The following EFCAB14 variants were observed in gnomAD, a reference collection of about 807,000 sequenced individuals.
EFCAB14 encodes the protein EF-hand calcium-binding domain-containing protein 14.
Under a neutral mutation model 56.5 loss-of-function variants are expected in EFCAB14, and 43 were observed. That is an observed-to-expected ratio of 0.76 (90% CI 0.60 to 0.98). The LOEUF (loss-of-function observed/expected upper bound fraction) is 0.98, where lower values mean the gene tolerates loss of function less well. Ranked by LOEUF, EFCAB14 falls within the 50% of genes least tolerant of loss-of-function variation. EFCAB14 has a pLI of 0.00. For synonymous variants in EFCAB14, 235 were observed against 212.9 expected (o/e 1.10, Z -0.90); for missense variants, 538 against 580.3 (o/e 0.93, Z 0.75).
chr1:46,679,856 C>T (rs1292265116), intron 10 of EFCAB14, among the ~76,000 whole-genome samples: 1 of 151,940 alleles, frequency 6.6e-6, no homozygotes, highest in African/African-American at 2.4e-5. Context: ...ATCTGCCCAC[C>T]TCAGCCTCCC....
intron 2 of EFCAB14, among the ~76,000 whole-genome samples, chr1:46,714,266 C>G: frequency 6.6e-6 from 1 of 152,022 alleles, no homozygotes; most frequent in South Asian, 2.1e-4. Flanking sequence ...AACTTTAATT[C>G]CAGTTCTGGA....
At chr1:46,683,489 C>T (rs1676830011) in intron 9 of EFCAB14, 64 bp from the exon 10 acceptor site, 2 of 1,517,286 alleles carry the variant, frequency 1.3e-6, no homozygotes, top group Non-Finnish European at 1.8e-6. Flanking sequence ...AAACTAGTAT[C>T]GAAGGTCACC....
intron 7 of EFCAB14, among the ~76,000 whole-genome samples, chr1:46,687,329 C>T (rs12072802): frequency 6.6e-6 from 1 of 152,176 alleles, no homozygotes; most frequent in Non-Finnish European, 1.5e-5. Flanking sequence ...CTTAGCCAAC[C>T]TAGTTTAGCT....
rs1273570196 is a variant in EFCAB14, at chr1:46,718,352, G to T, written c.-265C>A. The T allele has an allele frequency of 2.5e-5, 10 of 393,204 alleles. No individual in the cohort carries two copies. The highest frequency in any genetic ancestry group is 4.2e-5 in the Non-Finnish European group (9 of 213,750). The allele number at this position is 393,204 out of a possible 1,614,324, so 24.4% of individuals were successfully genotyped here. Reference sequence around the variant, plus strand: ...GTGACCCCAAAGGATAAGGCCTTGGGTGCAGAGTGTTAGTAGAGGGTGGAG... The same window carrying T: ...GTGACCCCAAAGGATAAGGCCTTGGTTGCAGAGTGTTAGTAGAGGGTGGAG... On this transcript the variant is annotated 5_prime_UTR_variant, in exon 1 of 11. Transcript: ENST00000371933.
chr1:46,691,686 A>T, intron 5 of EFCAB14, 141 bp downstream of exon 5: 1 of 522,378 alleles, frequency 1.9e-6, no homozygotes, highest in Non-Finnish European at 3.4e-6. Context: ...AACAAATTGT[A>T]GAACAATCAA....
At chr1:46,695,776 C>A (rs1677070264) in intron 4 of EFCAB14, among the ~76,000 whole-genome samples, 2 of 152,116 alleles carry the variant, frequency 1.3e-5, no homozygotes, top group African/African-American at 4.8e-5. Flanking sequence ...ACCTCCCAGG[C>A]TCAAGTGATC....
chr1:46,688,384 A>G lies in EFCAB14; in HGVS notation c.956T>C (p.Val319Ala), dbSNP rs758235999. The stretch of plus-strand genomic sequence containing the variant: ...GAAGGACAGGTTTGCTTTCTTTTCT[A>G]CCTTGCTCATAGCAACCACATCGCT... ...IESDVVAMSK[V>A]EKKANLSFSM... The change falls in exon 7 of 11, where the codon GTA (valine) becomes GCA (alanine). Residue 319 changes from valine (V) to alanine (A), a missense_variant. Transcript: ENST00000371933. 1.1e-4 allele frequency: 175 copies of G among 1,613,840 alleles called. No individual in the cohort carries two copies. Among genetic ancestry groups the G allele is most frequent in the Non-Finnish European group, 1.4e-4 (166 of 1,179,900 alleles).
chr1:46,697,211 A>C (rs1194384060), intron 3 of EFCAB14, among the ~76,000 whole-genome samples: 1 of 152,220 alleles, frequency 6.6e-6, no homozygotes, highest in African/African-American at 2.4e-5. Context: ...TAATATTTCA[A>C]ACTCAATAGC....
chr1:46,692,817 TATCA>T (rs1340674027), intron 4 of EFCAB14, among the ~76,000 whole-genome samples: 4 of 152,294 alleles, frequency 2.6e-5, no homozygotes, highest in South Asian at 4.1e-4. Context: ...ACTCTTTCTC[TATCA>T]ATCAAACAAG....
intron 3 of EFCAB14, among the ~76,000 whole-genome samples, chr1:46,703,330 G>A (rs1405135967): frequency 1.3e-5 from 2 of 152,078 alleles, no homozygotes; most frequent in Non-Finnish European, 2.9e-5. Flanking sequence ...GGCTGGTCTC[G>A]AACTCCTGAC....
intron 3 of EFCAB14, among the ~76,000 whole-genome samples, chr1:46,700,972 A>AGT (rs1240516932): frequency 2.5e-5 from 2 of 79,032 alleles, no homozygotes; most frequent in Non-Finnish European, 5.5e-5. Flanking sequence ...AGAGAGAGAG[A>AGT]GAGAGAGTGA....
Position 46,691,825 on chromosome 1 carries a change from A to T in EFCAB14, c.690+2T>A, listed in dbSNP as rs370855593. The T allele has an allele frequency of 2.5e-6, 4 of 1,610,540 alleles. No individual in the cohort carries two copies. The highest frequency in any genetic ancestry group is 3.4e-6 in the Non-Finnish European group (4 of 1,177,956). ...GCATGCTGACTTGCTGGGTCTCCTTACCATATCACTCTGCAGTAATTCCAT... is the reference window on the plus strand; with the variant it reads ...GCATGCTGACTTGCTGGGTCTCCTTTCCATATCACTCTGCAGTAATTCCAT... On this transcript the variant is annotated splice_donor_variant, in intron 5 of 10. Transcript: ENST00000371933. LOFTEE classifies it high-confidence loss of function.
chr1:46,677,829 A>G lies in EFCAB14; in HGVS notation c.*632T>C, dbSNP rs887688980. On this transcript the variant is annotated 3_prime_UTR_variant, in exon 11 of 11. Transcript: ENST00000371933. ...TCTACTCCCTGAAATCGGTTCCTCC[A>G]GCTACCAGGACAAACCCCCTGGCAG... 2.6e-5 allele frequency: 4 copies of G among 152,552 alleles called. No homozygotes were observed. Among genetic ancestry groups the G allele is most frequent in the African/African-American group, 7.2e-5 (3 of 41,428 alleles). The allele number at this position is 152,552 out of a possible 1,614,324, so 9.4% of individuals were successfully genotyped here.
chr1:46,691,079 GTGAT>G (rs1676983701), intron 5 of EFCAB14, among the ~76,000 whole-genome samples: 1 of 152,122 alleles, frequency 6.6e-6, no homozygotes, highest in Non-Finnish European at 1.5e-5. Flanking sequence ...CACCCATTAA[GTGAT>G]TGATTAAGGC....
At chr1:46,708,080 A>G (rs1407621442) in intron 2 of EFCAB14, 29 bp from the exon 3 acceptor site, 1 of 1,602,978 alleles carries the variant, frequency 6.2e-7, no homozygotes, top group Non-Finnish European at 8.5e-7. Flanking sequence ...AACAATCATA[A>G]CTAGCATAAA....
intron 4 of EFCAB14, among the ~76,000 whole-genome samples, chr1:46,692,979 A>C (rs1448279318): frequency 1.3e-5 from 2 of 152,196 alleles, no homozygotes; most frequent in Non-Finnish European, 2.9e-5. Flanking sequence ...CAGATGGCCG[A>C]GCTAACACAG....
rs1677375965 is a variant in EFCAB14, at chr1:46,715,630, G to A, written c.334+665C>T. 2.0e-5 allele frequency among the ~76,000 whole-genome samples: 3 copies of A among 151,980 alleles called. No homozygotes were observed. In the South Asian group the frequency reaches 6.2e-4, roughly 32 times the overall value. ...TGTTGTCATTGCCACTTTATGCTTG[G>A]GGAGATGCAAGCCATAAGTAGAGGT... On this transcript the variant is annotated intron_variant, in intron 2 of 10. Coordinates refer to ENST00000371933, the MANE Select transcript of EFCAB14 (RefSeq NM_014774.3).
At chr1:46,679,256 T>C (rs545700008) in intron 10 of EFCAB14, among the ~76,000 whole-genome samples, 5 of 152,352 alleles carry the variant, frequency 3.3e-5, no homozygotes, top group South Asian at 2.1e-4. Flanking sequence ...AAGAGGAAAG[T>C]AACTTGCCTA....
chr1:46,700,956 T>TGAGAGAGA (rs72283851), intron 3 of EFCAB14, among the ~76,000 whole-genome samples: 36 of 135,214 alleles, frequency 2.7e-4, no homozygotes, highest in Admixed American at 6.3e-4. Flanking sequence ...TATGGGGGCA[T>TGAGAGAGA]GAGAGAGAGA....
Sources: gnomAD v4.1 joint callset for allele counts (sites outside exome capture counted in the v4.1 genomes callset) on GRCh38, gnomAD v4.1.1 for gene constraint, MANE v1.5 for transcripts, NCBI Gene and HGNC (gene_info 2026-07-23, HGNC 2026-07-21) for gene names.